Variants in PGAP1 observed in about 807,000 individuals in gnomAD.
The protein encoded by PGAP1 is post-GPI attachment to proteins inositol deacylase 1.
PGAP1 carries 76 observed loss-of-function variants against 127.0 expected under a neutral mutation model. The ratio of observed to expected loss-of-function variants is 0.60; its 90% CI spans 0.50 to 0.72. The LOEUF (loss-of-function observed/expected upper bound fraction) is 0.72. PGAP1 is among the 30% of genes least tolerant of loss of function. The probability of loss-of-function intolerance (pLI) is 0.00; values close to 1 mark genes in which losing one functional copy is unlikely to be tolerated. For missense variants in PGAP1, 982 were observed against 1,071.3 expected, an observed-to-expected ratio of 0.92 and a Z score of 1.16; for synonymous variants, 362 against 366.5, an observed-to-expected ratio of 0.99 and a Z score of 0.14.
intron 20 of PGAP1, among the ~76,000 whole-genome samples, chr2:196,864,660 T>C (rs1388619575): frequency 6.6e-6 from 1 of 152,118 alleles, no homozygotes; most frequent in Non-Finnish European, 1.5e-5. Context: ...TTGCAGGTCT[T>C]AAGACCACAA....
Position 196,842,758 on chromosome 2 carries a change from T to C in PGAP1, c.2593A>G (p.Ile865Val). 1.3e-6 allele frequency: 2 copies of C among 1,584,508 alleles called. No homozygotes were observed. Among genetic ancestry groups the C allele is most frequent in the South Asian group, 2.3e-5 (2 of 87,140 alleles). The change falls in exon 26 of 27, where the codon ATT (isoleucine) becomes GTT (valine). Residue 865 changes from isoleucine (I) to valine (V), a missense_variant. Transcript: ENST00000354764. ...LAFILIPTMA[I>V]LGNTYTVSIK... Reference sequence around the variant, plus strand: ...GAAACAGTGTAAGTATTTCCAAGAATTGCCATAGTCGGAATAAGGATAAAT... The same window carrying C: ...GAAACAGTGTAAGTATTTCCAAGAACTGCCATAGTCGGAATAAGGATAAAT...
chr2:196,919,928 G>A, intron 2 of PGAP1, 69 bp downstream of exon 2: 2 of 1,470,598 alleles, frequency 1.4e-6, no homozygotes, highest in African/African-American at 2.8e-5. Context: ...GATTCACCGA[G>A]TATGGATATG....
At chr2:196,857,077 A>T (rs1294807775) in intron 20 of PGAP1, among the ~76,000 whole-genome samples, 1 of 152,220 alleles carries the variant, frequency 6.6e-6, no homozygotes, top group African/African-American at 2.4e-5. Flanking sequence ...AATAAAGGGC[A>T]TCGAAATAGG....
At chr2:196,904,801 T>A (rs984937579) in intron 4 of PGAP1, among the ~76,000 whole-genome samples, 3 of 151,814 alleles carry the variant, frequency 2.0e-5, no homozygotes, top group African/African-American at 7.3e-5. Flanking sequence ...AGGCTCCACG[T>A]GGGGAGGCTA....
intron 5 of PGAP1, 125 bp downstream of exon 5, chr2:196,902,460 C>T (rs958600846): frequency 3.0e-6 from 2 of 676,602 alleles, no homozygotes; most frequent in African/African-American, 1.8e-5. Flanking sequence ...CACATGCATG[C>T]CCACACAGCA....
intron 5 of PGAP1, among the ~76,000 whole-genome samples, chr2:196,900,911 A>T (rs1035844147): frequency 2.2e-4 from 33 of 152,168 alleles, no homozygotes; most frequent in Non-Finnish European, 8.8e-5. Context: ...TGGGCTACAG[A>T]GCGAGACTCC....
intron 4 of PGAP1, among the ~76,000 whole-genome samples, chr2:196,903,426 T>TAAAAATACAAAAATTACA (rs1417631314): frequency 1.3e-5 from 2 of 151,282 alleles, no homozygotes; most frequent in Non-Finnish European, 2.9e-5. Flanking sequence ...CTGGGCATGG[T>TAAAAATACAAAAATTACA]GGTGCGCACC....
chr2:196,922,324 A>C (rs1703222526), intron 1 of PGAP1: 1 of 1,147,830 alleles, frequency 8.7e-7, no homozygotes, highest in South Asian at 1.8e-5. Context: ...TATTTCCATA[A>C]CTAACCAAAA....
rs992769531 is a variant in PGAP1, at chr2:196,837,046, A to G, written c.*4188T>C. The G allele has an allele frequency of 4.6e-5, 7 of 152,224 alleles. No individual in the cohort carries two copies. The highest frequency in any genetic ancestry group is 1.7e-4 in the African/African-American group (7 of 41,456). The allele number at this position is 152,224 out of a possible 1,614,324, so 9.4% of individuals were successfully genotyped here. ...TAACCAGTTACTAAACTTCAAATGC[A>G]GCACTGTAAAGTTTCACACTGAACC... On this transcript the variant is annotated 3_prime_UTR_variant, in exon 27 of 27. Transcript: ENST00000354764.
chr2:196,916,287 C>T (rs1003965004), intron 3 of PGAP1, 131 bp downstream of exon 3: 6 of 736,882 alleles, frequency 8.1e-6, no homozygotes, highest in South Asian at 8.9e-5. Flanking sequence ...CAGACTCTCA[C>T]AAAAAAAATT....
At chr2:196,869,344 AT>A (rs199656819) in intron 19 of PGAP1, among the ~76,000 whole-genome samples, 2 of 151,196 alleles carry the variant, frequency 1.3e-5, no homozygotes, top group Admixed American at 6.6e-5. Context: ...GTCCCTTAAC[AT>A]TTTTTTTTGA....
Position 196,836,147 on chromosome 2 carries a change from A to T in PGAP1, c.*5087T>A, listed in dbSNP as rs1700230389. 1.3e-5 allele frequency: 2 copies of T among 152,546 alleles called. No homozygotes were observed. Among genetic ancestry groups the T allele is most frequent in the African/African-American group, 4.8e-5 (2 of 41,464 alleles). 9.4% of individuals were successfully genotyped at this position (152,546 alleles called of 1,614,324 possible). A position where few individuals can be genotyped will look rare whatever the true frequency, so the allele number is the denominator to read the frequency against. ...GTTCAAAGTTACAATGTACAGAATG[A>T]GTACAGACAGATTCTGACTCATATA... On this transcript the variant is annotated 3_prime_UTR_variant, in exon 27 of 27. Transcript: ENST00000354764.
At chr2:196,878,598 G>A (rs1701635203) in intron 13 of PGAP1, among the ~76,000 whole-genome samples, 1 of 152,232 alleles carries the variant, frequency 6.6e-6, no homozygotes, top group Admixed American at 6.5e-5. Flanking sequence ...AGCATAAGGA[G>A]ATTAATCTTC....
intron 9 of PGAP1, among the ~76,000 whole-genome samples, chr2:196,891,163 G>A (rs1270508015): frequency 6.6e-6 from 1 of 151,986 alleles, no homozygotes; most frequent in Non-Finnish European, 1.5e-5. Flanking sequence ...TTTTATTGTG[G>A]GTTTTTTGCT....
At chr2:196,891,788 T>A (rs1702108289) in intron 9 of PGAP1, among the ~76,000 whole-genome samples, 1 of 152,030 alleles carries the variant, frequency 6.6e-6, no homozygotes, top group African/African-American at 2.4e-5. Context: ...TCCTCCTTAA[T>A]CAATTAATAA....
chr2:196,911,740 C>A (rs1250442517), intron 4 of PGAP1, among the ~76,000 whole-genome samples: 3 of 151,068 alleles, frequency 2.0e-5, no homozygotes, highest in African/African-American at 7.3e-5. Flanking sequence ...TTCCTATAAG[C>A]AGTGAGGATA....
intron 17 of PGAP1, 64 bp downstream of exon 17, chr2:196,872,896 A>G: frequency 1.5e-6 from 1 of 676,244 alleles, no homozygotes; most frequent in Non-Finnish European, 2.6e-6. Context: ...AAATAAATAA[A>G]CTAAGCAGAA....
chr2:196,875,700 T>C (rs111417371), intron 14 of PGAP1, 46 bp downstream of exon 14: 6 of 1,075,552 alleles, frequency 5.6e-6, no homozygotes, highest in Admixed American at 2.0e-5. Flanking sequence ...GCAACTCTGT[T>C]AAAAATAAAA....
intron 6 of PGAP1, among the ~76,000 whole-genome samples, chr2:196,897,955 C>A (rs150027674): frequency 1.8e-4 from 28 of 152,296 alleles, no homozygotes; most frequent in African/African-American, 6.3e-4. Context: ...TGGTGGTTCA[C>A]CCCTGCAATC....
Sources: allele counts gnomAD v4.1 joint callset (sites outside exome capture counted in the v4.1 genomes callset), GRCh38; gene constraint gnomAD v4.1.1; transcripts MANE v1.5; gene names NCBI Gene and HGNC (gene_info 2026-07-23, HGNC 2026-07-21).